The following DPYSL3 variants were observed in gnomAD, a reference collection of about 807,000 sequenced individuals.
DPYSL3 encodes the protein dihydropyrimidinase like 3.
DPYSL3 carries 16 observed loss-of-function variants against 66.1 expected under a neutral mutation model. The ratio of observed to expected loss-of-function variants is 0.24; its 90% CI spans 0.16 to 0.37. The LOEUF (loss-of-function observed/expected upper bound fraction) is 0.37, where lower values mean the gene tolerates loss of function less well. Among genes scored for constraint, DPYSL3 ranks in the 10% least tolerant of loss-of-function variants. The pLI is 1.00. For synonymous variants in DPYSL3, 338 were observed against 345.1 expected (o/e 0.98, Z 0.23); for missense variants, 738 against 916.2 (o/e 0.81, Z 2.51).
At chr5:147,405,558 A>T in intron 8 of DPYSL3, 52 bp downstream of exon 8, 1 of 1,562,376 alleles carries the variant, frequency 6.4e-7, no homozygotes, top group Admixed American at 1.9e-5. Flanking sequence ...CAGAGAGGGA[A>T]GGAGCCACAC....
chr5:147,477,911 G>A (rs1581212001), intron 1 of DPYSL3, among the ~76,000 whole-genome samples: 1 of 152,086 alleles, frequency 6.6e-6, no homozygotes, highest in African/African-American at 2.4e-5. Flanking sequence ...GCAAAACTGC[G>A]AAGATAAAGA....
intron 1 of DPYSL3, among the ~76,000 whole-genome samples, chr5:147,471,875 A>G (rs926145650): frequency 1.3e-5 from 2 of 152,204 alleles, no homozygotes; most frequent in East Asian, 3.8e-4. Context: ...CTTGCCTGCC[A>G]TATGCCAATA....
At chr5:147,410,789 G>A (rs1751835980) in intron 6 of DPYSL3, among the ~76,000 whole-genome samples, 1 of 152,140 alleles carries the variant, frequency 6.6e-6, no homozygotes, top group Non-Finnish European at 1.5e-5. Flanking sequence ...TATAGCAGCT[G>A]CCTTCATTTA....
chr5:147,402,655 T>C (rs1451330005), intron 8 of DPYSL3, among the ~76,000 whole-genome samples: 3 of 151,600 alleles, frequency 2.0e-5, no homozygotes, highest in Non-Finnish European at 2.9e-5. Context: ...CCTATGACTT[T>C]TTTTTTTATC....
rs1432479692 is a variant in DPYSL3, at chr5:147,397,817, A to G, written c.1652T>C (p.Met551Thr). 1 of 1,613,242 alleles carries G rather than the reference A, an allele frequency of 6.2e-7. No homozygotes were observed. Among genetic ancestry groups the G allele is most frequent in the Non-Finnish European group, 8.5e-7 (1 of 1,179,726 alleles). ...SAAEYNIFEGMELRGAPLVVI... is the reference protein window; with the variant it reads ...SAAEYNIFEGTELRGAPLVVI... The stretch of plus-strand genomic sequence containing the variant: ...AACCAGAGGAGCCCCGCGCAGCTCC[A>G]TCCCTTCAAAGATGTTGTACTCTGC... Residue 551 changes from methionine to threonine, a missense_variant, in exon 12 of 14, where the codon ATG becomes ACG. By Grantham distance (81) the Met-to-Thr change is moderately conservative. Transcript: ENST00000343218.
intron 1 of DPYSL3, among the ~76,000 whole-genome samples, chr5:147,496,471 A>C (rs1431344151): frequency 1.3e-5 from 2 of 152,202 alleles, no homozygotes; most frequent in Non-Finnish European, 1.5e-5. Context: ...CAACCTACAA[A>C]ATGGGAGAAA....
Position 147,412,669 on chromosome 5 carries a change from C to A in DPYSL3, c.902G>T (p.Cys301Phe), listed in dbSNP as rs377270433. Reference sequence around the variant, plus strand: ...AGCAATGGCCCCCAGCTCTCCCAGGCAGGTGAAGATCTCATAGAGCTGAAA... The same window carrying A: ...AGCAATGGCCCCCAGCTCTCCCAGGAAGGTGAAGATCTCATAGAGCTGAAA... ...SNTELYEIFT[C>F]LGELGAIAQV... The change falls in exon 6 of 14, where the codon TGC becomes TTC. Residue 301 changes from cysteine to phenylalanine, a missense_variant. By Grantham distance (205) the Cys-to-Phe change is radical. Coordinates refer to ENST00000343218, the MANE Select transcript of DPYSL3 (RefSeq NM_001197294.2). 2.2e-5 allele frequency: 36 copies of A among 1,612,110 alleles called. No homozygotes were observed. The East Asian group carries it at 6.9e-4, about 31-fold the overall frequency.
At chr5:147,501,369 A>C (rs1216336637) in intron 1 of DPYSL3, among the ~76,000 whole-genome samples, 1 of 152,040 alleles carries the variant, frequency 6.6e-6, no homozygotes, top group African/African-American at 2.4e-5. Flanking sequence ...ACTAATTCCT[A>C]TAAGATATTA....
intron 7 of DPYSL3, among the ~76,000 whole-genome samples, chr5:147,407,535 G>A (rs79316728): frequency 0.02 from 3,063 of 152,238 alleles, 107 homozygotes; most frequent in African/African-American, 0.07. Flanking sequence ...GTCTCTTCAC[G>A]ATGAGTAAAC....
intron 1 of DPYSL3, among the ~76,000 whole-genome samples, chr5:147,507,399 TC>T (rs929575179): frequency 2.6e-5 from 4 of 151,886 alleles, no homozygotes; most frequent in Non-Finnish European, 5.9e-5. Flanking sequence ...GGTAGTGAGC[TC>T]CCTGACAATG....
At chr5:147,460,492 G>C (rs566249580) in intron 1 of DPYSL3, among the ~76,000 whole-genome samples, 1 of 152,140 alleles carries the variant, frequency 6.6e-6, no homozygotes, top group Non-Finnish European at 1.5e-5. Flanking sequence ...GGGATTTTGT[G>C]ATTAAGTTAA....
At chr5:147,425,987 T>G (rs17096661) in intron 1 of DPYSL3, among the ~76,000 whole-genome samples, 12,952 of 151,656 alleles carry the variant, frequency 0.085, 1,487 homozygotes, top group African/African-American at 0.26. Context: ...TTCACAAAGA[T>G]ATTTCAACTC....
intron 1 of DPYSL3, among the ~76,000 whole-genome samples, chr5:147,484,514 C>T (rs1420279957): frequency 6.6e-6 from 1 of 152,168 alleles, no homozygotes; most frequent in East Asian, 1.9e-4. Flanking sequence ...TTTCATGGAG[C>T]TTTTCCTATC....
At chr5:147,506,035 C>T (rs1286553756) in intron 1 of DPYSL3, among the ~76,000 whole-genome samples, 2 of 147,174 alleles carry the variant, frequency 1.4e-5, no homozygotes, top group Admixed American at 6.9e-5. Flanking sequence ...ATTTCCTTAT[C>T]GGTTATAACC....
In DPYSL3 at chr5:147,400,845, GA is replaced by G; in HGVS notation, c.1311-13del. 6.2e-7 allele frequency: 1 copy of G among 1,612,554 alleles called. No homozygotes were observed. The highest frequency in any genetic ancestry group is 8.5e-7 in the Non-Finnish European group (1 of 1,179,022). On this transcript the variant is annotated splice_polypyrimidine_tract_variant and intron_variant, in intron 9 of 13. Coordinates refer to ENST00000343218, the MANE Select transcript of DPYSL3 (RefSeq NM_001197294.2). ...GCTGCAGATCCCCGCTGGCAAAGGA[GA>G]AAAGCTCCACATGAACAGGGGAGAT...
chr5:147,413,471 G>T, intron 5 of DPYSL3, 125 bp downstream of exon 5: 1 of 731,932 alleles, frequency 1.4e-6, no homozygotes, highest in Non-Finnish European at 2.3e-6. Flanking sequence ...AAGGCTTCAA[G>T]AAGCATTCTG....
At chr5:147,481,233 TG>T (rs1411804124) in intron 1 of DPYSL3, among the ~76,000 whole-genome samples, 6 of 152,192 alleles carry the variant, frequency 3.9e-5, no homozygotes, top group Non-Finnish European at 8.8e-5. Flanking sequence ...AAACTGTTTT[TG>T]TTATCTATGA....
At chr5:147,443,903 C>T (rs1036372066) in intron 1 of DPYSL3, among the ~76,000 whole-genome samples, 2 of 152,036 alleles carry the variant, frequency 1.3e-5, no homozygotes, top group Non-Finnish European at 2.9e-5. Context: ...GAAACAAAGC[C>T]GCTCTTAACA....
intron 1 of DPYSL3, among the ~76,000 whole-genome samples, chr5:147,482,636 C>T (rs188056203): frequency 6.6e-6 from 1 of 152,294 alleles, no homozygotes; most frequent in East Asian, 1.9e-4. Flanking sequence ...AGGCTGGGCA[C>T]ATAAAAGGAA....
Sources: allele counts gnomAD v4.1 joint callset (sites outside exome capture counted in the v4.1 genomes callset), GRCh38; gene constraint gnomAD v4.1.1; transcripts MANE v1.5; gene names NCBI Gene and HGNC (gene_info 2026-07-23, HGNC 2026-07-21).